Variants in GAA observed in about 807,000 individuals in gnomAD.
GAA encodes the protein alpha glucosidase.
A neutral mutation model predicts 103.9 loss-of-function variants in GAA; 88 were observed. The observed-to-expected ratio is 0.85, with a 90% CI of 0.71 to 1.01. The LOEUF is 1.01. Among genes scored for constraint, GAA ranks in the 50% least tolerant of loss-of-function variants. The pLI, the probability that GAA is intolerant of heterozygous loss-of-function variation, is 0.00. For missense variants in GAA, 1,350 were observed against 1,305.3 expected (o/e 1.03, Z -0.53); for synonymous variants, 572 against 563.1 (o/e 1.02, Z -0.22).
At chr17:80,112,217 G>T in intron 12 of GAA, 117 bp downstream of exon 12, 1 of 1,039,646 alleles carries the variant, frequency 9.6e-7, no homozygotes, top group East Asian at 2.4e-5. Context: ...CCCGGGGCCC[G>T]CTGGCGGCCC....
At position 80,113,010 on chromosome 17, in the gene GAA, A is replaced by G. The variant is rs1223774094; in HGVS notation, c.2023A>G (p.Asn675Asp). 6.2e-7 allele frequency: 1 copy of G among 1,610,436 alleles called. No individual in the cohort carries two copies. Among genetic ancestry groups the G allele is most frequent in the Non-Finnish European group, 8.5e-7 (1 of 1,178,990 alleles). The change falls in exon 14 of 20, where the codon AAC becomes GAC. Residue 675 changes from asparagine to aspartate, a missense_variant. Transcript: ENST00000302262. ...CTTCTACCCCTTCATGCGGAACCAC[A>G]ACAGCCTGCTCAGTCTGGTAGGGTG... ...GAFYPFMRNH[N>D]SLLSLPQEPY...
At chr17:80,108,871 CG>C (rs772723870) in intron 8 of GAA, 43 bp downstream of exon 8, 1 of 1,551,998 alleles carries the variant, frequency 6.4e-7, no homozygotes, top group Admixed American at 1.9e-5. Flanking sequence ...GGGGGCCGCC[CG>C]GTGCCCAGTG....
In GAA at chr17:80,118,762, A is replaced by G. The variant is rs1443208279; in HGVS notation, c.2756A>G (p.Asn919Ser). 2 of 1,613,522 alleles carry G rather than the reference A, an allele frequency of 1.2e-6. No individual in the cohort carries two copies. The highest frequency in any genetic ancestry group is 2.2e-5 in the East Asian group (1 of 44,872). The stretch of plus-strand genomic sequence containing the variant: ...ACGGCGCCCCAGCAGGTCCTCTCCA[A>G]CGGTGTCCCTGTCTCCAACTTCACC... ...VATAPQQVLS[N>S]GVPVSNFTYS... The change falls in exon 19 of 20, where the codon AAC becomes AGC. Residue 919 changes from asparagine to serine, a missense_variant. Transcript: ENST00000302262.
At chr17:80,102,809 T>C (rs2038985675) in intron 1 of GAA, 1 of 152,238 alleles carries the variant, frequency 6.6e-6, no homozygotes, top group Admixed American at 6.5e-5. Flanking sequence ...TGATCGAAAG[T>C]ACAAGTGACA....
At chr17:80,102,059 C>T (rs551673264) in intron 1 of GAA, 169 bp downstream of exon 1, 84 of 152,690 alleles carry the variant, frequency 5.5e-4, no homozygotes, top group African/African-American at 2.0e-3. Flanking sequence ...CGGGGAGCCG[C>T]CCTCCTGTGC....
chr17:80,113,339 A>G lies in GAA; in HGVS notation c.2162A>G (p.Glu721Gly). 3 of 1,591,970 alleles carry G rather than the reference A, an allele frequency of 1.9e-6. No individual in the cohort carries two copies. Among genetic ancestry groups the G allele is most frequent in the Non-Finnish European group, 1.7e-6 (2 of 1,168,400 alleles). The change falls in exon 15 of 20, where the codon GAG (glutamate) becomes GGG (glycine). Residue 721 changes from glutamate (E) to glycine (G), a missense_variant. Coordinates refer to ENST00000302262, the MANE Select transcript of GAA (RefSeq NM_000152.5). The part of the protein sequence containing the change: ...TLFHQAHVAG[E>G]TVARPLFLEF... ...TTCCACCAGGCCCACGTCGCGGGGG[A>G]GACCGTGGCCCGGCCCCTCTTCCTG...
chr17:80,104,687 A>G lies in GAA; in HGVS notation c.101A>G (p.Asp34Gly). The change falls in exon 2 of 20, where the codon GAT (aspartate) becomes GGT (glycine). Residue 34 changes from aspartate (D) to glycine (G), a missense_variant. By Grantham distance (94) the Asp-to-Gly change is moderately conservative. Transcript: ENST00000302262. This position sits in a 1 kb window ranked among gnomAD's most constrained non-coding sequence, Gnocchi z 4.0. ...AALLGHILLH[D>G]FLLVPRELSG... The stretch of plus-strand genomic sequence containing the variant: ...CTCCTGGGGCACATCCTACTCCATG[A>G]TTTCCTGCTGGTTCCCCGAGAGCTG... 6.2e-7 allele frequency: 1 copy of G among 1,613,088 alleles called. No homozygotes were observed. The highest frequency in any genetic ancestry group is 1.1e-5 in the South Asian group (1 of 91,048).
chr17:80,117,795 C>T (rs2039391131), intron 17 of GAA, 46 bp downstream of exon 17: 10 of 1,564,900 alleles, frequency 6.4e-6, no homozygotes, highest in Non-Finnish European at 7.8e-6. Context: ...CAGCACACTG[C>T]AGAGCTGGGG....
Position 80,117,700 on chromosome 17 carries a change from T to C in GAA, c.2432T>C (p.Leu811Pro). 1.2e-6 allele frequency: 2 copies of C among 1,612,278 alleles called. No individual in the cohort carries two copies. Among genetic ancestry groups the C allele is most frequent in the Non-Finnish European group, 1.7e-6 (2 of 1,179,848 alleles). The change falls in exon 17 of 20, where the codon CTG (leucine) becomes CCG (proline). Residue 811 changes from leucine (L) to proline (P), a missense_variant. Physicochemically the swap from Leu to Pro is moderately conservative, Grantham distance 98. Transcript: ENST00000302262. Reference protein sequence around the residue: ...EGQWVTLPAPLDTINVHLRAG... With the variant: ...EGQWVTLPAPPDTINVHLRAG... ...CAGTGGGTGACGCTGCCGGCCCCCC[T>C]GGACACCATCAACGTCCACCTCCGG...
rs987382416 is a variant in GAA, at chr17:80,104,502, C to T, written c.-32-53C>T. On this transcript the variant is annotated intron_variant, in intron 1 of 19. Coordinates refer to ENST00000302262, the MANE Select transcript of GAA (RefSeq NM_000152.5). This position sits in a 1 kb window ranked among gnomAD's most constrained non-coding sequence, Gnocchi z 4.0. ...TGTCTCAGAGCTGCTTTGAGAGCCCCGTGAGTGCCGCCCCTCCCGCCTCCC... is the reference window on the plus strand; with the variant it reads ...TGTCTCAGAGCTGCTTTGAGAGCCCTGTGAGTGCCGCCCCTCCCGCCTCCC... 159 of 1,333,462 alleles carry T rather than the reference C, an allele frequency of 1.2e-4. No homozygotes were observed. Among genetic ancestry groups the T allele is most frequent in the Middle Eastern group, 2.6e-4 (1 of 3,798 alleles). The allele number at this position is 1,333,462 out of a possible 1,614,324, so 82.6% of individuals were successfully genotyped here. A position where few individuals can be genotyped will look rare whatever the true frequency, so the allele number is the denominator to read the frequency against.
chr17:80,111,809 T>G, intron 11 of GAA, 174 bp from the exon 12 acceptor site: 2 of 614,916 alleles, frequency 3.3e-6, no homozygotes, highest in Non-Finnish European at 5.8e-6. Flanking sequence ...TTACCCAGGT[T>G]CCCGGGTAAC....
chr17:80,105,820 C>T lies in GAA; in HGVS notation c.618C>T (p.Ser206=), dbSNP rs146292898. The change falls in exon 3 of 20, where the codon TCC becomes TCT. Residue 206 remains serine, a synonymous_variant. Transcript: ENST00000302262. ...CGCATGTCCACAGCCGGGCACCGTCCCCACTCTACAGCGTGGAGTTCTCCG... is the reference window on the plus strand; with the variant it reads ...CGCATGTCCACAGCCGGGCACCGTCTCCACTCTACAGCGTGGAGTTCTCCG... ...ETPHVHSRAP[S]PLYSVEFSEE... 6.8e-6 allele frequency: 11 copies of T among 1,610,474 alleles called. No homozygotes were observed. The African/African-American group carries it at 1.5e-4, about 21-fold the overall frequency.
At chr17:80,111,170 C>G (rs1398406234) in intron 11 of GAA, 145 bp downstream of exon 11, 2 of 850,350 alleles carry the variant, frequency 2.4e-6, no homozygotes, top group Non-Finnish European at 3.7e-6. Context: ...GAGAAAGGCT[C>G]AGGCTGGGAG....
At position 80,109,840 on chromosome 17, in the gene GAA, G is replaced by A. The variant is rs538143133; in HGVS notation, c.1327-105G>A. 212 of 806,368 alleles carry A rather than the reference G, an allele frequency of 2.6e-4. 1 individual carries two copies. The highest frequency in any genetic ancestry group is 4.1e-4 in the Non-Finnish European group (191 of 469,458). 50.0% of individuals were successfully genotyped at this position (806,368 alleles called of 1,614,324 possible). On this transcript the variant is annotated intron_variant, in intron 8 of 19. Transcript: ENST00000302262. Reference sequence around the variant, plus strand: ...ACACAGGCAGGCATGCTGTACACACGCATGATGTCATCCCCAGCCTCATCC... The same window carrying A: ...ACACAGGCAGGCATGCTGTACACACACATGATGTCATCCCCAGCCTCATCC...
Position 80,111,992 on chromosome 17 carries a change from G to A in GAA, c.1646G>A (p.Gly549Glu). ...ENPPYVPGVV[G>E]GTLQAATICA... Reference sequence around the variant, plus strand: ...CCCCCGCCTCTTCCAGGGGTGGTTGGGGGGACCCTCCAGGCGGCCACCATC... The same window carrying A: ...CCCCCGCCTCTTCCAGGGGTGGTTGAGGGGACCCTCCAGGCGGCCACCATC... The change falls in exon 12 of 20, where the codon GGG (glycine) becomes GAG (glutamate). Residue 549 changes from glycine to glutamate, a missense_variant. Gly to Glu is a moderately conservative substitution (Grantham distance 98). Coordinates refer to ENST00000302262, the MANE Select transcript of GAA (RefSeq NM_000152.5). 6.2e-7 allele frequency: 1 copy of A among 1,613,598 alleles called. No individual in the cohort carries two copies. Among genetic ancestry groups the A allele is most frequent in the South Asian group, 1.1e-5 (1 of 91,088 alleles).
Position 80,104,819 on chromosome 17 carries a change from T to C in GAA, c.233T>C (p.Val78Ala). 1 of 1,612,456 alleles carries C rather than the reference T, an allele frequency of 6.2e-7. No homozygotes were observed. The highest frequency in any genetic ancestry group is 1.7e-5 in the Admixed American group (1 of 59,978). ...GCACACCCCGGCCGTCCCAGAGCAGTGCCCACACAGTGCGACGTCCCCCCC... is the reference window on the plus strand; with the variant it reads ...GCACACCCCGGCCGTCCCAGAGCAGCGCCCACACAGTGCGACGTCCCCCCC... ...AQAHPGRPRA[V>A]PTQCDVPPNS... Residue 78 changes from valine (V) to alanine (A), a missense_variant, in exon 2 of 20, where the codon GTG (valine) becomes GCG (alanine). Physicochemically the swap from Val to Ala is moderately conservative, Grantham distance 64 (BLOSUM62 0). Transcript: ENST00000302262. This position sits in a 1 kb window ranked among gnomAD's most constrained non-coding sequence, Gnocchi z 4.0.
At chr17:80,103,059 C>T (rs2143815506) in intron 1 of GAA, among the ~76,000 whole-genome samples, 1 of 152,318 alleles carries the variant, frequency 6.6e-6, no homozygotes, top group South Asian at 2.1e-4. Context: ...ACCAGTGGCC[C>T]ACGGTGGAAC....
chr17:80,113,022 A>C lies in GAA; in HGVS notation c.2035A>C (p.Ser679Arg), dbSNP rs1567835990. ...CATGCGGAACCACAACAGCCTGCTC[A>C]GTCTGGTAGGGTGGGGGTGGCGGCA... ...PFMRNHNSLL[S>R]LPQEPYSFSE... The change falls in exon 14 of 20, where the codon AGT becomes CGT. Residue 679 changes from serine to arginine, a missense_variant. By Grantham distance (110) the Ser-to-Arg change is moderately radical. Transcript: ENST00000302262. 6.2e-7 allele frequency: 1 copy of C among 1,609,606 alleles called. No homozygotes were observed. Among genetic ancestry groups the C allele is most frequent in the African/African-American group, 1.3e-5 (1 of 75,004 alleles).
intron 15 of GAA, among the ~76,000 whole-genome samples, chr17:80,115,286 G>A (rs1209016370): frequency 6.6e-6 from 1 of 152,118 alleles, no homozygotes; most frequent in Admixed American, 6.5e-5. Flanking sequence ...CTGTTCTTCA[G>A]ACTGCTTAGT....
Sources: gnomAD v4.1 joint callset for allele counts (sites outside exome capture counted in the v4.1 genomes callset) on GRCh38, gnomAD v4.1.1 for gene constraint, Gnocchi (gnomAD v3.1) non-coding constraint, MANE v1.5 for transcripts, NCBI Gene and HGNC (gene_info 2026-07-23, HGNC 2026-07-21) for gene names.